RAB6B: variants seen among roughly 807,000 people sequenced by gnomAD.
The protein encoded by RAB6B is ras-related protein Rab-6B.
RAB6B carries 7 observed loss-of-function variants against 31.2 expected under a neutral mutation model. The observed-to-expected ratio is 0.22, with a 90% CI of 0.13 to 0.42. The LOEUF (loss-of-function observed/expected upper bound fraction) is 0.42, where lower values mean the gene tolerates loss of function less well. Among genes scored for constraint, RAB6B ranks in the 10% least tolerant of loss-of-function variants. The pLI, the probability that RAB6B is intolerant of heterozygous loss-of-function variation, is 1.00. For synonymous variants in RAB6B, 105 were observed against 104.9 expected (o/e 1.00, Z -0.01); for missense variants, 149 against 280.6 (o/e 0.53, Z 3.35).
In RAB6B at chr3:133,828,309, A is replaced by C. The variant is rs187310541; in HGVS notation, c.*479T>G. On this transcript the variant is annotated 3_prime_UTR_variant, in exon 8 of 8. Coordinates refer to ENST00000285208, the MANE Select transcript of RAB6B (RefSeq NM_016577.4). Reference sequence around the variant, plus strand: ...ATGGCCCCAGACTGAAGCCTAATTAATTTGCTCAGTTAATTGTTTTAATTT... The same window carrying C: ...ATGGCCCCAGACTGAAGCCTAATTACTTTGCTCAGTTAATTGTTTTAATTT... 142 of 382,734 alleles carry C rather than the reference A, an allele frequency of 3.7e-4. No homozygotes were observed. In the Admixed American group the frequency reaches 4.2e-3, roughly 11 times the overall value. 23.7% of individuals were successfully genotyped at this position (382,734 alleles called of 1,614,324 possible).
intron 2 of RAB6B, among the ~76,000 whole-genome samples, chr3:133,856,469 C>T (rs1248890405): frequency 6.6e-6 from 1 of 152,076 alleles, no homozygotes; most frequent in African/African-American, 2.4e-5. Context: ...GAATCCTTCC[C>T]CCCAAGCAGA....
intron 1 of RAB6B, among the ~76,000 whole-genome samples, chr3:133,893,500 G>A (rs763037153): frequency 1.8e-4 from 28 of 152,126 alleles, no homozygotes; most frequent in Admixed American, 3.9e-4. Flanking sequence ...CGTTCATCAG[G>A]GATTCTGAAG....
At chr3:133,848,416 C>T (rs1445126021) in intron 2 of RAB6B, among the ~76,000 whole-genome samples, 3 of 152,248 alleles carry the variant, frequency 2.0e-5, no homozygotes, top group Non-Finnish European at 4.4e-5. Context: ...GACTATCCCT[C>T]ATGCTTTCCA....
At chr3:133,833,642 C>G (rs1475739471) in intron 7 of RAB6B, among the ~76,000 whole-genome samples, 1 of 152,192 alleles carries the variant, frequency 6.6e-6, no homozygotes, top group African/African-American at 2.4e-5. Context: ...CCCAAAGGTG[C>G]CCTTCCATCT....
chr3:133,885,898 C>T (rs943186769), intron 1 of RAB6B, among the ~76,000 whole-genome samples: 3 of 152,186 alleles, frequency 2.0e-5, no homozygotes, highest in South Asian at 2.1e-4. Context: ...ATCCTCGGAA[C>T]GTTTCTGTTC....
chr3:133,882,202 A>C (rs1936475204), intron 1 of RAB6B, among the ~76,000 whole-genome samples: 4 of 152,194 alleles, frequency 2.6e-5, no homozygotes, highest in Admixed American at 2.6e-4. Context: ...GCCCTCTCTC[A>C]GCACAGCAGC....
At position 133,827,384 on chromosome 3, in the gene RAB6B, T is replaced by C. The variant is rs543297110; in HGVS notation, c.*1404A>G. Reference sequence around the variant, plus strand: ...CTGGCTCTGTGCAGGCTCAGGGCAGTGAGTCTGAGTCTATTTGGAATGCTG... The same window carrying C: ...CTGGCTCTGTGCAGGCTCAGGGCAGCGAGTCTGAGTCTATTTGGAATGCTG... On this transcript the variant is annotated 3_prime_UTR_variant, in exon 8 of 8. Coordinates refer to ENST00000285208, the MANE Select transcript of RAB6B (RefSeq NM_016577.4). The C allele has an allele frequency of 5.9e-5, 9 of 153,186 alleles. No homozygotes were observed. Among genetic ancestry groups the C allele is most frequent in the African/African-American group, 2.2e-4 (9 of 41,594 alleles). The allele number at this position is 153,186 out of a possible 1,614,324, so 9.5% of individuals were successfully genotyped here. A position where few individuals can be genotyped will look rare whatever the true frequency, so the allele number is the denominator to read the frequency against.
At chr3:133,889,055 G>A (rs537197012) in intron 1 of RAB6B, among the ~76,000 whole-genome samples, 7 of 152,198 alleles carry the variant, frequency 4.6e-5, no homozygotes, top group African/African-American at 7.2e-5. Flanking sequence ...CAGCTTTCCC[G>A]GTAGTCCACC....
chr3:133,864,475 T>A, intron 2 of RAB6B, 109 bp downstream of exon 2: 1 of 1,125,748 alleles, frequency 8.9e-7, no homozygotes, highest in Non-Finnish European at 1.4e-6. Flanking sequence ...CATAGCAAAA[T>A]GACAGCCTGG....
At chr3:133,844,375 C>T (rs1324199444) in intron 2 of RAB6B, among the ~76,000 whole-genome samples, 2 of 152,202 alleles carry the variant, frequency 1.3e-5, no homozygotes, top group African/African-American at 4.8e-5. Flanking sequence ...CTTAACTGTC[C>T]ACTCTCTCAG....
chr3:133,891,685 C>T (rs1015887805), intron 1 of RAB6B, among the ~76,000 whole-genome samples: 1 of 152,126 alleles, frequency 6.6e-6, no homozygotes, highest in Non-Finnish European at 1.5e-5. Flanking sequence ...AGGAGTGGGA[C>T]GGAAGGATAC....
chr3:133,865,796 A>G (rs1936230093), intron 1 of RAB6B, among the ~76,000 whole-genome samples: 1 of 152,234 alleles, frequency 6.6e-6, no homozygotes, highest in South Asian at 2.1e-4. Context: ...CCCCTTGGCA[A>G]AGGCCCTTTA....
rs1262333401 is a variant in RAB6B, at chr3:133,828,386, C to G, written c.*402G>C. ...GAGGTGATGAATGGTTCAAAGAGAACAGGAAGGAGGAGGTGTGTGGAAAAG... is the reference window on the plus strand; with the variant it reads ...GAGGTGATGAATGGTTCAAAGAGAAGAGGAAGGAGGAGGTGTGTGGAAAAG... On this transcript the variant is annotated 3_prime_UTR_variant, in exon 8 of 8. Coordinates refer to ENST00000285208, the MANE Select transcript of RAB6B (RefSeq NM_016577.4). 5.7e-6 allele frequency: 2 copies of G among 352,104 alleles called. No homozygotes were observed. The highest frequency in any genetic ancestry group is 1.0e-5 in the Non-Finnish European group (2 of 193,368). 21.8% of individuals were successfully genotyped at this position (352,104 alleles called of 1,614,324 possible).
At chr3:133,845,333 A>T (rs888957665) in intron 2 of RAB6B, among the ~76,000 whole-genome samples, 1 of 152,180 alleles carries the variant, frequency 6.6e-6, no homozygotes. Context: ...TACCCTTATA[A>T]AAGAGGCTTA....
chr3:133,833,089 A>T (rs1935678824), intron 7 of RAB6B, among the ~76,000 whole-genome samples: 1 of 152,108 alleles, frequency 6.6e-6, no homozygotes, highest in African/African-American at 2.4e-5. Flanking sequence ...GGCACAGCGG[A>T]GATCGCCTGC....
chr3:133,858,353 G>T (rs1534168), intron 2 of RAB6B, among the ~76,000 whole-genome samples: 93,918 of 152,150 alleles, frequency 0.62, 29,869 homozygotes, highest in African/African-American at 0.66. Context: ...TTCTTAACAT[G>T]TTTTTAAAGG....
intron 2 of RAB6B, among the ~76,000 whole-genome samples, chr3:133,861,213 G>A (rs1936156478): frequency 6.6e-6 from 1 of 152,350 alleles, no homozygotes; most frequent in Non-Finnish European, 1.5e-5. Context: ...AAATTACTTA[G>A]TTGGGGTTTT....
intron 1 of RAB6B, among the ~76,000 whole-genome samples, chr3:133,887,011 T>C (rs563834285): frequency 9.9e-6 from 1 of 100,884 alleles, no homozygotes; most frequent in East Asian, 3.2e-4. Flanking sequence ...AGGACCAATA[T>C]GGTGATGGGG....
chr3:133,846,734 T>C (rs750428099), intron 2 of RAB6B, among the ~76,000 whole-genome samples: 2 of 152,208 alleles, frequency 1.3e-5, no homozygotes, highest in South Asian at 2.1e-4. Context: ...GTAAGAATTA[T>C]AGTTGATTTA....
Sources: gnomAD v4.1 joint callset for allele counts (sites outside exome capture counted in the v4.1 genomes callset) on GRCh38, gnomAD v4.1.1 for gene constraint, MANE v1.5 for transcripts, NCBI Gene and HGNC (gene_info 2026-07-23, HGNC 2026-07-21) for gene names.